Variants in ZNF583 observed in about 807,000 individuals in gnomAD.
ZNF583 encodes the protein zinc finger protein 583, also known as zinc finger protein L3-5.
ZNF583 carries 30 observed loss-of-function variants against 55.3 expected under a neutral mutation model. That is an observed-to-expected ratio of 0.54 (90% CI 0.41 to 0.74). ZNF583 has a LOEUF of 0.74. Among genes scored for constraint, ZNF583 ranks in the 30% least tolerant of loss-of-function variants. The pLI is 0.00. For missense variants in ZNF583, 504 were observed against 664.7 expected, an observed-to-expected ratio of 0.76 and a Z score of 2.66; for synonymous variants, 208 against 220.0, an observed-to-expected ratio of 0.95 and a Z score of 0.48.
At chr19:56,422,755 A>G (rs2042435895) in intron 4 of ZNF583, 136 bp from the exon 5 acceptor site, 2 of 568,928 alleles carry the variant, frequency 3.5e-6, no homozygotes, top group East Asian at 6.2e-5. Context: ...CTTATTATTT[A>G]TAATGTCATT....
At position 56,411,124 on chromosome 19, in the gene ZNF583, C is replaced by CAA. The variant is rs36007598; in HGVS notation, c.10-2820_10-2819dup. 8.6e-3 allele frequency among the ~76,000 whole-genome samples: 1,172 copies of CAA among 135,570 alleles called. 7 individuals are homozygous for CAA. The highest frequency in any genetic ancestry group is 0.015 in the Middle Eastern group (4 of 260). The allele number at this position is 135,570 out of a possible 152,430, so 88.9% of individuals were successfully genotyped here. A position where few individuals can be genotyped will look rare whatever the true frequency, so the allele number is the denominator to read the frequency against. The stretch of plus-strand genomic sequence containing the variant: ...CAACATAGTGAGACATCATCTGTAC[C>CAA]AAAAAAAAAAAAAAAATTACCTGTG... On this transcript the variant is annotated intron_variant, in intron 2 of 4. Coordinates refer to ENST00000333201, the MANE Select transcript of ZNF583 (RefSeq NM_152478.3).
Position 56,414,380 on chromosome 19 carries a change from T to C in ZNF583, c.172T>C (p.Leu58=), listed in dbSNP as rs2147578612. 6.2e-7 allele frequency: 1 copy of C among 1,614,120 alleles called. No individual in the cohort carries two copies. The highest frequency in any genetic ancestry group is 8.5e-7 in the Non-Finnish European group (1 of 1,180,024). The change falls in exon 4 of 5, where the codon TTG becomes CTG. Residue 58 remains leucine, a synonymous_variant. Transcript: ENST00000333201. The stretch of plus-strand genomic sequence containing the variant: ...TTCTAAGCCAGATGTGATCTCATTA[T>C]TGGAGCAAGGAAAAGAGCCCTGGAT... ...SVSKPDVISL[L]EQGKEPWMVK...
chr19:56,408,975 T>G (rs182238985), intron 2 of ZNF583, among the ~76,000 whole-genome samples: 55 of 152,136 alleles, frequency 3.6e-4, no homozygotes, highest in African/African-American at 1.2e-3. Context: ...ACTTTTGCAT[T>G]TGCCCCCCCA....
In ZNF583 at chr19:56,414,361, G is replaced by A. The variant is rs765254403; in HGVS notation, c.153G>A (p.Lys51=). The part of the protein sequence containing the change: ...SLVSLGVSVS[K]PDVISLLEQG... ...TGTAAGCAGGAGTTTCTGTTTCTAA[G>A]CCAGATGTGATCTCATTATTGGAGC... The change falls in exon 4 of 5, where the codon AAG becomes AAA. Residue 51 remains lysine (K), a synonymous_variant. Coordinates refer to ENST00000333201, the MANE Select transcript of ZNF583 (RefSeq NM_152478.3). The A allele has an allele frequency of 1.2e-6, 2 of 1,613,972 alleles. No individual in the cohort carries two copies.
At chr19:56,419,943 A>C (rs2042388212) in intron 4 of ZNF583, among the ~76,000 whole-genome samples, 2 of 151,778 alleles carry the variant, frequency 1.3e-5, no homozygotes, top group African/African-American at 4.8e-5. Context: ...CTATATTGTT[A>C]ATTTTCTTTC....
chr19:56,421,951 G>C (rs2042422570), intron 4 of ZNF583, among the ~76,000 whole-genome samples: 1 of 152,164 alleles, frequency 6.6e-6, no homozygotes. Context: ...TATGTGAACA[G>C]AACCTCAAGT....
intron 2 of ZNF583, among the ~76,000 whole-genome samples, chr19:56,409,733 C>G (rs1485915671): frequency 6.6e-6 from 1 of 152,054 alleles, no homozygotes; most frequent in South Asian, 2.1e-4. Context: ...AAAAAGCTAG[C>G]CTGATAATCT....
chr19:56,409,787 G>T (rs536589420), intron 2 of ZNF583, among the ~76,000 whole-genome samples: 2 of 152,018 alleles, frequency 1.3e-5, no homozygotes, highest in Non-Finnish European at 2.9e-5. Flanking sequence ...ATACTTATAC[G>T]TACGTGCTTA....
rs985947650 is a variant in ZNF583, at chr19:56,419,508, C to T, written c.233-3383C>T. 3.3e-5 allele frequency among the ~76,000 whole-genome samples: 5 copies of T among 152,188 alleles called. No homozygotes were observed. In the East Asian group the frequency reaches 9.6e-4, roughly 29 times the overall value. Reference sequence around the variant, plus strand: ...CACGCCCAGCCTGCGGGTTTACTTTCTTATAATTTTTTTATCTGGTTTTGG... The same window carrying T: ...CACGCCCAGCCTGCGGGTTTACTTTTTTATAATTTTTTTATCTGGTTTTGG... On this transcript the variant is annotated intron_variant, in intron 4 of 4. Coordinates refer to ENST00000333201, the MANE Select transcript of ZNF583 (RefSeq NM_152478.3).
At chr19:56,407,624 A>T (rs2042175222) in intron 2 of ZNF583, among the ~76,000 whole-genome samples, 1 of 152,182 alleles carries the variant, frequency 6.6e-6, no homozygotes, top group East Asian at 1.9e-4. Flanking sequence ...TGGGTCAGCT[A>T]GGGCAGGGAT....
chr19:56,411,947 C>T (rs1322065278), intron 2 of ZNF583, among the ~76,000 whole-genome samples: 1 of 151,944 alleles, frequency 6.6e-6, no homozygotes, highest in South Asian at 2.1e-4. Context: ...TTGAGTATTT[C>T]TTCAATAGGA....
chr19:56,423,952 G>A lies in ZNF583; in HGVS notation c.1294G>A (p.Gly432Arg). ...TGATCAACATCAGAGGGTTCATACT[G>A]GAGAGAAACCCTATGAATGTATTGA... ...YLDQHQRVHT[G>R]EKPYECIECG... is the part of the protein sequence containing the mutation. The change falls in exon 5 of 5, where the codon GGA (glycine) becomes AGA (arginine). Residue 432 changes from glycine (G) to arginine (R), a missense_variant. By Grantham distance (125) the Gly-to-Arg change is moderately radical. This residue lies in a region of ZNF583 where 237 missense variants were observed against 373.0 expected (regional missense o/e 0.64). Transcript: ENST00000333201. 1 of 1,614,046 alleles carries A rather than the reference G, an allele frequency of 6.2e-7. No homozygotes were observed. The highest frequency in any genetic ancestry group is 8.5e-7 in the Non-Finnish European group (1 of 1,179,982).
At chr19:56,420,649 A>G (rs1568812789) in intron 4 of ZNF583, among the ~76,000 whole-genome samples, 1 of 152,174 alleles carries the variant, frequency 6.6e-6, no homozygotes, top group East Asian at 1.9e-4. Context: ...TTTTATTACT[A>G]TACGTCTCTA....
intron 2 of ZNF583, among the ~76,000 whole-genome samples, chr19:56,413,222 G>C (rs2042265046): frequency 6.6e-6 from 1 of 152,138 alleles, no homozygotes; most frequent in African/African-American, 2.4e-5. Context: ...AGATACCTTA[G>C]GTCATCAGTG....
intron 1 of ZNF583, among the ~76,000 whole-genome samples, chr19:56,405,066 T>C (rs1600345509): frequency 6.6e-6 from 1 of 152,092 alleles, no homozygotes; most frequent in African/African-American, 2.4e-5. Flanking sequence ...TGTGAGGCTA[T>C]GTGTGGTTGT....
rs113639759 is a variant in ZNF583, at chr19:56,405,415, A to G, written c.-90+963A>G. On this transcript the variant is annotated intron_variant, in intron 1 of 4. Transcript: ENST00000333201. ...AGGGGAGGTGCCAGAATGAGAAACT[A>G]TGTGGTTTGTTGTCTGTGATTTGTG... Among the ~76,000 whole-genome samples the G allele has an allele frequency of 4.3e-3, 648 of 152,164 alleles. 5 individuals carry two copies. The highest frequency in any genetic ancestry group is 0.015 in the African/African-American group (621 of 41,508).
chr19:56,405,545 A>G (rs1600346466), intron 1 of ZNF583, among the ~76,000 whole-genome samples: 2 of 151,994 alleles, frequency 1.3e-5, no homozygotes, highest in East Asian at 3.9e-4. Context: ...AGGGGAAAAG[A>G]TGGAGAAAGG....
rs1032189946 is a variant in ZNF583 at position 56,423,192 on chromosome 19, C to T, written c.534C>T (p.Pro178=). The change falls in exon 5 of 5, where the codon CCC becomes CCT. Residue 178 remains proline (P), a synonymous_variant. Transcript: ENST00000333201. ...TCTTTGATATACAACAGAGTTTTCC[C>T]ACCAAAGAAAAAGCACATAAGCATG... ...DTIFDIQQSF[P]TKEKAHKHEP... 10 of 1,612,934 alleles carry T rather than the reference C, an allele frequency of 6.2e-6. No homozygotes were observed. Among genetic ancestry groups the T allele is most frequent in the Non-Finnish European group, 8.5e-6 (10 of 1,179,910 alleles).
intron 2 of ZNF583, among the ~76,000 whole-genome samples, chr19:56,408,341 A>T (rs1387388033): frequency 4.6e-5 from 7 of 152,246 alleles, no homozygotes; most frequent in Non-Finnish European, 8.8e-5. Flanking sequence ...GATTGACAAT[A>T]GAAATGTTCT....
Sources: gnomAD v4.1 joint callset for allele counts (sites outside exome capture counted in the v4.1 genomes callset) on GRCh38, gnomAD v4.1.1 for gene constraint, gnomAD v4.1.1 regional missense constraint, MANE v1.5 for transcripts, NCBI Gene and HGNC (gene_info 2026-07-23, HGNC 2026-07-21) for gene names.